The following RASEF variants were observed in gnomAD, a reference collection of about 807,000 sequenced individuals.
The protein encoded by RASEF is ras and EF-hand domain-containing protein.
Under a neutral mutation model 90.1 loss-of-function variants are expected in RASEF, and 68 were observed. That is an observed-to-expected ratio of 0.75 (90% confidence interval 0.62 to 0.92). RASEF has a LOEUF of 0.92. RASEF is among the 40% of genes least tolerant of loss of function. The pLI is 0.00. For synonymous variants in RASEF, 331 were observed against 345.2 expected (o/e 0.96, Z 0.46); for missense variants, 949 against 937.2 (o/e 1.01, Z -0.16).
At chr9:82,982,975 G>C (rs889743202) in intron 16 of RASEF, among the ~76,000 whole-genome samples, 193 bp from the exon 17 acceptor site, 4 of 152,042 alleles carry the variant, frequency 2.6e-5, no homozygotes, top group Non-Finnish European at 5.9e-5. Flanking sequence ...ATATAAATTT[G>C]CTGTGCCCCA....
the RASEF span, among the ~76,000 whole-genome samples, chr9:83,164,587 GA>G: frequency 8.3e-5 from 12 of 144,382 alleles, no homozygotes; most frequent in African/African-American, 2.8e-4. Context: ...TAAGACAGGA[GA>G]AAAAATCAAA....
the RASEF span, among the ~76,000 whole-genome samples, chr9:83,207,143 C>G: frequency 5.3e-5 from 8 of 151,764 alleles, no homozygotes; most frequent in African/African-American, 1.9e-4. Context: ...GTTTACGGGA[C>G]GGGTCATTAC....
chr9:83,153,042 C>T, the RASEF span, among the ~76,000 whole-genome samples: 4 of 152,120 alleles, frequency 2.6e-5, no homozygotes, highest in African/African-American at 4.8e-5. Context: ...AGGACCACTT[C>T]GGAAAACTTG....
rs1163621930 is a variant in RASEF, at chr9:83,028,948, A to T, written c.432-3027T>A. 2.6e-5 allele frequency among the ~76,000 whole-genome samples: 4 copies of T among 152,188 alleles called. No homozygotes were observed. In the South Asian group the frequency reaches 8.3e-4, roughly 32 times the overall value. ...GAGAAGATCATGTAAAGACACAGGA[A>T]AAGACAGCCATCTGCAAGTCAAGGA... On this transcript the variant is annotated intron_variant, in intron 1 of 16. Transcript: ENST00000376447.
chr9:83,039,092 A>G (rs1307777272), intron 1 of RASEF, among the ~76,000 whole-genome samples: 1 of 152,130 alleles, frequency 6.6e-6, no homozygotes, highest in Non-Finnish European at 1.5e-5. Context: ...CCCTTTTCAA[A>G]GTATATTTTA....
intron 1 of RASEF, chr9:83,055,479 A>T: frequency 3.0e-6 from 2 of 673,080 alleles, no homozygotes; most frequent in Non-Finnish European, 5.4e-6. Flanking sequence ...GGTACCTCAG[A>T]TGGAAATGCA....
At chr9:83,013,241 C>A (rs1046589833) in intron 4 of RASEF, among the ~76,000 whole-genome samples, 9 of 152,206 alleles carry the variant, frequency 5.9e-5, no homozygotes, top group African/African-American at 2.2e-4. Context: ...GCCTTTCCTA[C>A]AAACAGCTTA....
chr9:83,055,551 G>A (rs1400620662), intron 1 of RASEF: 7 of 709,350 alleles, frequency 9.9e-6, no homozygotes, highest in Non-Finnish European at 1.6e-5. Context: ...GTTCCTATTC[G>A]GCCATCTTGG....
At chr9:83,137,157 T>C in the RASEF span, among the ~76,000 whole-genome samples, 11 of 152,258 alleles carry the variant, frequency 7.2e-5, no homozygotes, top group Non-Finnish European at 1.6e-4. Context: ...ATTAAACAAT[T>C]CTTCCTTCTT....
Position 83,000,898 on chromosome 9 carries a change from C to G in RASEF, c.1435G>C (p.Asp479His). 1 of 1,612,888 alleles carries G rather than the reference C, an allele frequency of 6.2e-7. No homozygotes were observed. The highest frequency in any genetic ancestry group is 1.1e-5 in the South Asian group (1 of 91,048). ...GAGCAGTGGTTTCTGGGGCTTACAT[C>G]TGTGTCTGAAGCATCACCTCCAAAG... ...ESFGGDASDT[D>H]VPDIRDEETF... Residue 479 changes from aspartate (D) to histidine (H), a missense_variant and splice_region_variant, in exon 10 of 17, where the codon GAT becomes CAT. This residue lies in a region of RASEF where 288 missense variants were observed against 328.4 expected (regional missense o/e 0.88). Coordinates refer to ENST00000376447, the MANE Select transcript of RASEF (RefSeq NM_152573.4).
At chr9:83,041,442 C>G (rs920128428) in intron 1 of RASEF, among the ~76,000 whole-genome samples, 4 of 152,094 alleles carry the variant, frequency 2.6e-5, no homozygotes, top group African/African-American at 9.7e-5. Flanking sequence ...TGAAAACATA[C>G]AAAAATAGAT....
chr9:83,149,943 T>C, the RASEF span, among the ~76,000 whole-genome samples: 1 of 152,118 alleles, frequency 6.6e-6, no homozygotes, highest in African/African-American at 2.4e-5. Context: ...TCAGACTGCA[T>C]AGGTTTAAGG....
chr9:83,065,443 T>C (rs1045336033), upstream of RASEF, among the ~76,000 whole-genome samples: 1 of 152,190 alleles, frequency 6.6e-6, no homozygotes, highest in Admixed American at 6.5e-5. Flanking sequence ...TTTTGTCACA[T>C]GGTGGCAATG....
chr9:83,040,715 A>G (rs1398490674), intron 1 of RASEF, among the ~76,000 whole-genome samples: 1 of 152,222 alleles, frequency 6.6e-6, no homozygotes, highest in East Asian at 1.9e-4. Context: ...ATTCTGAATT[A>G]TTATTGGTAT....
chr9:83,097,293 T>C, the RASEF span, among the ~76,000 whole-genome samples: 1 of 152,316 alleles, frequency 6.6e-6, no homozygotes, highest in Admixed American at 6.5e-5. Context: ...CTCCAGCACC[T>C]GTTGTTTCCT....
At chr9:83,128,761 C>T in the RASEF span, among the ~76,000 whole-genome samples, 3 of 152,160 alleles carry the variant, frequency 2.0e-5, no homozygotes, top group Non-Finnish European at 2.9e-5. Flanking sequence ...GCACAACCAG[C>T]CCAGCCACCA....
Position 83,000,194 on chromosome 9 carries a change from A to C in RASEF, c.1698T>G (p.Phe566Leu), listed in dbSNP as rs1208057585. Residue 566 changes from phenylalanine (F) to leucine (L), a missense_variant, in exon 12 of 17, where the codon TTT (phenylalanine) becomes TTG (leucine). By Grantham distance (22) the Phe-to-Leu change is conservative. Coordinates refer to ENST00000376447, the MANE Select transcript of RASEF (RefSeq NM_152573.4). ...CCAGGGTGGCGCTTATATTTTCTCG[A>C]AATTCATTCTTGCAAAGTCTCATGA... ...SFLMRLCKNEFRENISATLGV... is the reference protein window; with the variant it reads ...SFLMRLCKNELRENISATLGV... 6.2e-7 allele frequency: 1 copy of C among 1,613,864 alleles called. No homozygotes were observed. The highest frequency in any genetic ancestry group is 1.3e-5 in the African/African-American group (1 of 74,918).
At chr9:83,185,847 G>A in the RASEF span, among the ~76,000 whole-genome samples, 1 of 152,082 alleles carries the variant, frequency 6.6e-6, no homozygotes, top group African/African-American at 2.4e-5. Context: ...CTTTCTCTCA[G>A]CTGAACTTCT....
At chr9:83,123,237 CAA>C in the RASEF span, among the ~76,000 whole-genome samples, 12 of 83,414 alleles carry the variant, frequency 1.4e-4, no homozygotes, top group Admixed American at 4.0e-4. Context: ...GAGACTCCAT[CAA>C]AAAAAAAAAA....
Sources: allele counts gnomAD v4.1 joint callset (sites outside exome capture counted in the v4.1 genomes callset), GRCh38; gene constraint gnomAD v4.1.1; regional missense constraint gnomAD v4.1.1; transcripts MANE v1.5; gene names NCBI Gene and HGNC (gene_info 2026-07-23, HGNC 2026-07-21).